The following PPME1 variants were observed in gnomAD, a reference collection of about 807,000 sequenced individuals.
PPME1 encodes protein phosphatase methylesterase 1, also known as testicular secretory protein Li 39.
In PPME1, 17 loss-of-function variants were observed where a neutral mutation model predicts 56.9. The observed-to-expected ratio is 0.30, with a 90% CI of 0.20 to 0.45. PPME1 has a LOEUF of 0.45. PPME1 is among the 20% of genes least tolerant of loss of function. PPME1 has a pLI of 1.00. For missense variants in PPME1, 357 were observed against 483.2 expected, an observed-to-expected ratio of 0.74 and a Z score of 2.45; for synonymous variants, 122 against 156.2, an observed-to-expected ratio of 0.78 and a Z score of 1.63.
intron 9 of PPME1, among the ~76,000 whole-genome samples, chr11:74,243,072 G>A (rs1322112898): frequency 1.3e-5 from 2 of 152,036 alleles, no homozygotes; most frequent in Non-Finnish European, 2.9e-5. Context: ...GGATGCCCTT[G>A]TGTGGAGAAC....
Position 74,230,131 on chromosome 11 carries a change from G to T in PPME1, c.399-114G>T. ...GGTATGTTTGTAAGATGGCCCAATA[G>T]ACTTTTACAGTTTCCCAGCACTGTT... is the stretch of plus-strand genomic sequence containing the variant. On this transcript the variant is annotated intron_variant, in intron 5 of 13. Coordinates refer to ENST00000328257, the MANE Select transcript of PPME1 (RefSeq NM_016147.3). This position sits in a 1 kb window ranked among gnomAD's most constrained non-coding sequence, Gnocchi z 4.9. The T allele has an allele frequency of 8.5e-7, 1 of 1,176,050 alleles. No homozygotes were observed. Among genetic ancestry groups the T allele is most frequent in the Non-Finnish European group, 1.2e-6 (1 of 837,206 alleles). The allele number at this position is 1,176,050 out of a possible 1,614,324, so 72.9% of individuals were successfully genotyped here. A position where few individuals can be genotyped will look rare whatever the true frequency, so the allele number is the denominator to read the frequency against.
intron 5 of PPME1, among the ~76,000 whole-genome samples, chr11:74,228,212 T>C (rs975503201): frequency 1.3e-5 from 2 of 152,068 alleles, no homozygotes; most frequent in African/African-American, 4.8e-5. Flanking sequence ...TAATTGAGCA[T>C]ATAATTTTTT....
chr11:74,246,405 AAG>A (rs1463528004), intron 10 of PPME1, among the ~76,000 whole-genome samples, 200 bp downstream of exon 10: 1 of 152,174 alleles, frequency 6.6e-6, no homozygotes, highest in African/African-American at 2.4e-5. Flanking sequence ...ATGGCCGAGA[AAG>A]AGTGAATGTG....
chr11:74,241,101 G>T (rs1859345518), intron 9 of PPME1, among the ~76,000 whole-genome samples: 1 of 152,152 alleles, frequency 6.6e-6, no homozygotes, highest in African/African-American at 2.4e-5. Context: ...TTGAGAGGGT[G>T]AACTGAGGCA....
In PPME1 at chr11:74,221,693, CAGTTT is replaced by C. The variant is rs145345636; in HGVS notation, c.289-611_289-607del. Among the ~76,000 whole-genome samples, 110 of 152,094 alleles carry C rather than the reference CAGTTT, an allele frequency of 7.2e-4. No homozygotes were observed. The South Asian group carries it at 0.012, about 16-fold the overall frequency. ...TGTGATATATTATTGTCAAAGAATC[CAGTTT>C]AGTTTAGGAAGAAGATCCCCAATTA... On this transcript the variant is annotated intron_variant, in intron 3 of 13. Coordinates refer to ENST00000328257, the MANE Select transcript of PPME1 (RefSeq NM_016147.3).
intron 7 of PPME1, among the ~76,000 whole-genome samples, chr11:74,231,405 G>C (rs1394483096): frequency 6.6e-6 from 1 of 152,184 alleles, no homozygotes; most frequent in Non-Finnish European, 1.5e-5. Flanking sequence ...CCCAGCCACT[G>C]TTGCCTTTAT....
chr11:74,227,642 G>A (rs1858964748), intron 5 of PPME1, among the ~76,000 whole-genome samples: 1 of 152,132 alleles, frequency 6.6e-6, no homozygotes, highest in Non-Finnish European at 1.5e-5. Flanking sequence ...ATTAAAATAT[G>A]ACAGAATCCC....
Position 74,239,224 on chromosome 11 carries a change from A to G in PPME1, c.802A>G (p.Ile268Val), listed in dbSNP as rs375020267. The change falls in exon 9 of 14, where the codon ATA becomes GTA. Residue 268 changes from isoleucine (I) to valine (V), a missense_variant. Around this residue, in one of 2 missense-constraint regions of PPME1, gnomAD observed 182 missense variants for 293.8 expected, o/e 0.62. Coordinates refer to ENST00000328257, the MANE Select transcript of PPME1 (RefSeq NM_016147.3). ...EEEDEEGSESISKRKKEDDME... is the reference protein window; with the variant it reads ...EEEDEEGSESVSKRKKEDDME... ...AGAAGATGAGGAAGGAAGTGAGTCTATAAGCAAGAGGAAAAAGGAAGATGA... is the reference window on the plus strand; with the variant it reads ...AGAAGATGAGGAAGGAAGTGAGTCTGTAAGCAAGAGGAAAAAGGAAGATGA... 37 of 1,613,422 alleles carry G rather than the reference A, an allele frequency of 2.3e-5. No individual in the cohort carries two copies. The East Asian group carries it at 3.8e-4, about 17-fold the overall frequency.
At position 74,171,321 on chromosome 11, in the gene PPME1, C is replaced by T; in HGVS notation, c.-101C>T. Reference sequence around the variant, plus strand: ...GTAGCTGGGTGCTGTCCAAAGGCGACAGGGCGTCGTTAGGGGAGCGAGTCG... The same window carrying T: ...GTAGCTGGGTGCTGTCCAAAGGCGATAGGGCGTCGTTAGGGGAGCGAGTCG... On this transcript the variant is annotated 5_prime_UTR_variant, in exon 1 of 14. Coordinates refer to ENST00000328257, the MANE Select transcript of PPME1 (RefSeq NM_016147.3). 1.3e-6 allele frequency: 2 copies of T among 1,512,156 alleles called. No homozygotes were observed. Among genetic ancestry groups the T allele is most frequent in the Non-Finnish European group, 1.8e-6 (2 of 1,129,014 alleles). 93.7% of individuals were successfully genotyped at this position (1,512,156 alleles called of 1,614,324 possible). A position where few individuals can be genotyped will look rare whatever the true frequency, so the allele number is the denominator to read the frequency against.
intron 3 of PPME1, among the ~76,000 whole-genome samples, chr11:74,216,751 G>GA (rs202039799): frequency 0.031 from 4,741 of 151,878 alleles, 91 homozygotes; most frequent in Non-Finnish European, 0.05. Context: ...TAAGAAAAAA[G>GA]AAAGAAGACC....
At chr11:74,231,512 G>A (rs895345535) in intron 7 of PPME1, among the ~76,000 whole-genome samples, 1 of 152,240 alleles carries the variant, frequency 6.6e-6, no homozygotes, top group African/African-American at 2.4e-5. Flanking sequence ...AATAGCATAT[G>A]AGGAAACATT....
chr11:74,214,475 T>G (rs1858568645), intron 3 of PPME1, among the ~76,000 whole-genome samples: 1 of 152,078 alleles, frequency 6.6e-6, no homozygotes, highest in Non-Finnish European at 1.5e-5. Flanking sequence ...AAAAGAAGGT[T>G]ATAGAACACC....
intron 1 of PPME1, among the ~76,000 whole-genome samples, chr11:74,174,827 G>A (rs1005801536): frequency 1.3e-5 from 2 of 152,206 alleles, no homozygotes; most frequent in East Asian, 3.8e-4. Context: ...TGTGGGTAAA[G>A]ACATTCAGAC....
chr11:74,189,363 C>T (rs768925660), intron 1 of PPME1, among the ~76,000 whole-genome samples: 14 of 152,208 alleles, frequency 9.2e-5, no homozygotes. Context: ...GATCATGGCT[C>T]ACTGCAGCCT....
At chr11:74,202,589 C>T (rs1275002651) in intron 1 of PPME1, among the ~76,000 whole-genome samples, 1 of 152,110 alleles carries the variant, frequency 6.6e-6, no homozygotes, top group Non-Finnish European at 1.5e-5. Flanking sequence ...TAATGTTTTG[C>T]TGCTGATAGA....
intron 1 of PPME1, among the ~76,000 whole-genome samples, chr11:74,187,252 A>C (rs551073121): frequency 6.6e-6 from 1 of 152,278 alleles, no homozygotes; most frequent in Admixed American, 6.5e-5. Flanking sequence ...TATGAATTTT[A>C]GGGTGAGTTT....
At chr11:74,243,296 A>T (rs79480662) in intron 9 of PPME1, 2 of 145,968 alleles carry the variant, frequency 1.4e-5, no homozygotes, top group African/African-American at 5.6e-5. Flanking sequence ...TTCTGTCCAG[A>T]ATTTTTTTTT....
chr11:74,241,548 C>A (rs1262852253), intron 9 of PPME1, among the ~76,000 whole-genome samples: 1 of 152,170 alleles, frequency 6.6e-6, no homozygotes, highest in Admixed American at 6.5e-5. Flanking sequence ...TATATTTAAC[C>A]TTTTGAGGAA....
intron 1 of PPME1, among the ~76,000 whole-genome samples, chr11:74,182,281 A>C (rs1386404477): frequency 6.6e-6 from 1 of 152,192 alleles, no homozygotes; most frequent in African/African-American, 2.4e-5. Context: ...AATATTATTT[A>C]AATTGGAAAA....
Sources: gnomAD v4.1 joint callset for allele counts (sites outside exome capture counted in the v4.1 genomes callset) on GRCh38, gnomAD v4.1.1 for gene constraint, gnomAD v4.1.1 regional missense constraint, Gnocchi (gnomAD v3.1) non-coding constraint, MANE v1.5 for transcripts, NCBI Gene and HGNC (gene_info 2026-07-23, HGNC 2026-07-21) for gene names.